Variants in XKR6 observed in about 807,000 individuals in gnomAD.
The protein encoded by XKR6 is XK related 6, also known as XK-related protein 6.
In XKR6, 22 loss-of-function variants were observed where a neutral mutation model predicts 56.7. The observed-to-expected ratio is 0.39, with a 90% confidence interval of 0.28 to 0.55. The LOEUF (loss-of-function observed/expected upper bound fraction) is 0.55, where lower values mean the gene tolerates loss of function less well. Ranked by LOEUF, XKR6 falls within the 20% of genes least tolerant of loss-of-function variation. The probability of loss-of-function intolerance (pLI) is 0.66; values close to 1 mark genes in which losing one functional copy is unlikely to be tolerated. For synonymous variants in XKR6, 524 were observed against 387.8 expected (o/e 1.35, Z -4.13); for missense variants, 852 against 889.0 (o/e 0.96, Z 0.53).
chr8:11,192,620 A>G (rs1470386323), intron 1 of XKR6, among the ~76,000 whole-genome samples: 4 of 152,096 alleles, frequency 2.6e-5, no homozygotes, highest in African/African-American at 4.8e-5. Flanking sequence ...GTTTCTTTAG[A>G]AAAAAAATTA....
intron 1 of XKR6, among the ~76,000 whole-genome samples, chr8:11,119,099 T>A (rs1286289612): frequency 6.6e-6 from 1 of 152,160 alleles, no homozygotes; most frequent in Non-Finnish European, 1.5e-5. Context: ...GTTGTTCAGT[T>A]TCCATGTAGT....
At chr8:11,091,311 G>T (rs1798061752) in intron 1 of XKR6, among the ~76,000 whole-genome samples, 1 of 152,020 alleles carries the variant, frequency 6.6e-6, no homozygotes, top group African/African-American at 2.4e-5. Flanking sequence ...GGTGGTGCAT[G>T]CCCACAGTCC....
At chr8:11,090,452 G>T (rs1242049064) in intron 1 of XKR6, among the ~76,000 whole-genome samples, 2 of 151,522 alleles carry the variant, frequency 1.3e-5, no homozygotes, top group African/African-American at 4.9e-5. Flanking sequence ...TAAAAGCAAT[G>T]TTGGAAAGGA....
At chr8:11,121,279 ACCT>A (rs993996518) in intron 1 of XKR6, among the ~76,000 whole-genome samples, 1 of 152,142 alleles carries the variant, frequency 6.6e-6, no homozygotes, top group African/African-American at 2.4e-5. Flanking sequence ...AATTTTTGCA[ACCT>A]CCTCATCTGA....
intron 1 of XKR6, among the ~76,000 whole-genome samples, chr8:11,155,437 A>C (rs1801475577): frequency 6.6e-6 from 1 of 152,218 alleles, no homozygotes; most frequent in African/African-American, 2.4e-5. Flanking sequence ...GACCCCTCTC[A>C]AGAGAAAAAA....
intron 2 of XKR6, among the ~76,000 whole-genome samples, chr8:10,908,032 A>C (rs1283422874): frequency 3.3e-5 from 5 of 152,208 alleles, no homozygotes; most frequent in Non-Finnish European, 7.3e-5. Flanking sequence ...TGGACCATCA[A>C]GAGTCACTGA....
rs556753617 is a variant in XKR6, at chr8:10,950,715, G to A, written c.765-25885C>T. 3.3e-5 allele frequency among the ~76,000 whole-genome samples: 5 copies of A among 152,288 alleles called. No individual in the cohort carries two copies. The East Asian group carries it at 5.8e-4, about 18-fold the overall frequency. On this transcript the variant is annotated intron_variant, in intron 1 of 2. Coordinates refer to ENST00000416569, the MANE Select transcript of XKR6 (RefSeq NM_173683.4). ...CATTCCGAAAAGAACTTGAGATGGC[G>A]AGAACATACAATCCAGTTGGCAAGC...
At chr8:11,045,613 A>G (rs965980071) in intron 1 of XKR6, among the ~76,000 whole-genome samples, 1 of 152,212 alleles carries the variant, frequency 6.6e-6, no homozygotes, top group Non-Finnish European at 1.5e-5. Context: ...AAATTAAACA[A>G]TGTGTGTATA....
At chr8:11,132,088 C>A (rs1800131396) in intron 1 of XKR6, among the ~76,000 whole-genome samples, 1 of 152,110 alleles carries the variant, frequency 6.6e-6, no homozygotes, top group African/African-American at 2.4e-5. Context: ...ACTCCACTGA[C>A]CCGAGATTCT....
At chr8:11,124,214 T>C (rs898095751) in intron 1 of XKR6, 1 of 351,764 alleles carries the variant, frequency 2.8e-6, no homozygotes, top group Non-Finnish European at 5.6e-6. Context: ...AATGCTATTC[T>C]ATTATCAAGC....
chr8:11,030,810 G>T (rs1188289634), intron 1 of XKR6, among the ~76,000 whole-genome samples: 1 of 152,150 alleles, frequency 6.6e-6, no homozygotes, highest in African/African-American at 2.4e-5. Context: ...CTACTCCAAT[G>T]CCCTCATCTG....
chr8:11,124,317 G>A, intron 1 of XKR6: 2 of 325,902 alleles, frequency 6.1e-6, no homozygotes, highest in Non-Finnish European at 1.2e-5. Flanking sequence ...ATTTCTACTG[G>A]ACTCTTGAGA....
intron 2 of XKR6, among the ~76,000 whole-genome samples, chr8:10,910,129 G>T (rs1008022867): frequency 1.3e-5 from 2 of 152,156 alleles, no homozygotes; most frequent in Non-Finnish European, 2.9e-5. Flanking sequence ...AACTCGGGGT[G>T]CAGGTGCTGC....
chr8:11,003,655 C>G (rs1798297049), intron 1 of XKR6, among the ~76,000 whole-genome samples: 1 of 152,212 alleles, frequency 6.6e-6, no homozygotes, highest in Non-Finnish European at 1.5e-5. Context: ...CTCAGAGAAG[C>G]CATGCAGCCT....
At chr8:11,035,920 T>G (rs1296102677) in intron 1 of XKR6, among the ~76,000 whole-genome samples, 2 of 151,526 alleles carry the variant, frequency 1.3e-5, no homozygotes, top group South Asian at 2.1e-4. Context: ...GAAATCTGAG[T>G]TGAGTTACCT....
chr8:10,912,812 G>A (rs1404247058), intron 2 of XKR6, among the ~76,000 whole-genome samples: 2 of 145,962 alleles, frequency 1.4e-5, no homozygotes, highest in East Asian at 2.0e-4. Context: ...AGAGAGAGGC[G>A]AGTATATATA....
intron 1 of XKR6, among the ~76,000 whole-genome samples, chr8:11,007,107 C>G (rs947557085): frequency 6.6e-6 from 1 of 152,154 alleles, no homozygotes; most frequent in Admixed American, 6.5e-5. Context: ...CTTGTTGTAT[C>G]TGTCTTCTTG....
intron 1 of XKR6, among the ~76,000 whole-genome samples, chr8:11,000,350 A>C (rs1798209753): frequency 6.6e-6 from 1 of 152,156 alleles, no homozygotes; most frequent in African/African-American, 2.4e-5. Flanking sequence ...GCATCATAAT[A>C]TGTTGTTTTC....
At chr8:10,908,219 T>G (rs1375441238) in intron 2 of XKR6, among the ~76,000 whole-genome samples, 1 of 152,176 alleles carries the variant, frequency 6.6e-6, no homozygotes, top group Non-Finnish European at 1.5e-5. Context: ...TTGACTCACA[T>G]GCAACGAGCA....
Sources: allele counts gnomAD v4.1 joint callset (sites outside exome capture counted in the v4.1 genomes callset), GRCh38; gene constraint gnomAD v4.1.1; transcripts MANE v1.5; gene names NCBI Gene and HGNC (gene_info 2026-07-23, HGNC 2026-07-21).